Variants in AKAP6 observed in about 807,000 individuals in gnomAD.
AKAP6 encodes A-kinase anchor protein 6.
In AKAP6, 58 loss-of-function variants were observed where a neutral mutation model predicts 188.5. The observed-to-expected ratio is 0.31, with a 90% CI of 0.25 to 0.38. AKAP6 has a LOEUF of 0.38. Among genes scored for constraint, AKAP6 ranks in the 10% least tolerant of loss-of-function variants. The probability of loss-of-function intolerance (pLI) is 1.00; values close to 1 mark genes in which losing one functional copy is unlikely to be tolerated. For synonymous variants in AKAP6, 989 were observed against 998.6 expected (o/e 0.99, Z 0.18); for missense variants, 2,710 against 2,740.0 (o/e 0.99, Z 0.24).
Position 32,380,298 on chromosome 14 carries a change from C to A in AKAP6, c.-35+50890C>A, listed in dbSNP as rs562034964. On this transcript the variant is annotated intron_variant, in intron 1 of 13. Transcript: ENST00000280979. ...TCCCCTTTTCTGAGTTCCCACCGGCCCCCCGTTCTTTCCTTACTTGTAGTA... is the reference window on the plus strand; with the variant it reads ...TCCCCTTTTCTGAGTTCCCACCGGCACCCCGTTCTTTCCTTACTTGTAGTA... Among the ~76,000 whole-genome samples, 25 of 152,262 alleles carry A rather than the reference C, an allele frequency of 1.6e-4. No homozygotes were observed. The South Asian group carries it at 4.1e-3, about 25-fold the overall frequency.
intron 1 of AKAP6, among the ~76,000 whole-genome samples, chr14:32,361,413 G>A (rs1450194841): frequency 1.3e-5 from 2 of 152,142 alleles, no homozygotes; most frequent in Non-Finnish European, 2.9e-5. Context: ...AAGCATGGAA[G>A]CATCAGTCAG....
chr14:32,786,296 A>ATGTTTTTTTTGTTTTTTTTT, intron 12 of AKAP6, among the ~76,000 whole-genome samples: 2 of 93,706 alleles, frequency 2.1e-5, no homozygotes, highest in African/African-American at 4.1e-5. Flanking sequence ...CTAAACCTTT[A>ATGTTTTTTTTGTTTTTTTTT]TCTTTTTTTT....
chr14:32,464,230 G>A (rs147815542), intron 2 of AKAP6, among the ~76,000 whole-genome samples: 3,025 of 152,064 alleles, frequency 0.02, 86 homozygotes, highest in African/African-American at 0.067. Flanking sequence ...GGGAATCCTC[G>A]CTAACTCATT....
In AKAP6 at chr14:32,830,834, C is replaced by G. The variant is rs1054382903; in HGVS notation, c.*1029C>G. 1.3e-5 allele frequency: 2 copies of G among 152,602 alleles called. No individual in the cohort carries two copies. Among genetic ancestry groups the G allele is most frequent in the African/African-American group, 4.8e-5 (2 of 41,456 alleles). The allele number at this position is 152,602 out of a possible 1,614,324, so 9.5% of individuals were successfully genotyped here. A position where few individuals can be genotyped will look rare whatever the true frequency, so the allele number is the denominator to read the frequency against. ...AAAGGAAAATTAGTGATCTCTTCTA[C>G]TATGTTCTTTACCAAATTGTTGCAT... On this transcript the variant is annotated 3_prime_UTR_variant, in exon 14 of 14. Coordinates refer to ENST00000280979, the MANE Select transcript of AKAP6 (RefSeq NM_004274.5).
intron 6 of AKAP6, 59 bp from the exon 7 acceptor site, chr14:32,600,570 A>T: frequency 1.3e-6 from 2 of 1,482,010 alleles, no homozygotes; most frequent in South Asian, 1.4e-5. Context: ...CTAAATAAAA[A>T]TAATGAGTAA....
intron 7 of AKAP6, among the ~76,000 whole-genome samples, chr14:32,647,863 A>G (rs1225145027): frequency 6.6e-6 from 1 of 152,076 alleles, no homozygotes; most frequent in Non-Finnish European, 1.5e-5. Flanking sequence ...TCCTGAAGTT[A>G]ATCAAACAAT....
rs1037689230 is a variant in AKAP6 at position 32,830,118 on chromosome 14, T to C, written c.*313T>C. The C allele has an allele frequency of 1.7e-6, 1 of 592,280 alleles. No individual in the cohort carries two copies. The allele number at this position is 592,280 out of a possible 1,614,324, so 36.7% of individuals were successfully genotyped here. A position where few individuals can be genotyped will look rare whatever the true frequency, so the allele number is the denominator to read the frequency against. The stretch of plus-strand genomic sequence containing the variant: ...CCAACCCTCTCTCTCCAGCTAGACT[T>C]TTCTCTTTGCCTCCTCCCTTCCCTT... On this transcript the variant is annotated 3_prime_UTR_variant, in exon 14 of 14. Coordinates refer to ENST00000280979, the MANE Select transcript of AKAP6 (RefSeq NM_004274.5).
intron 2 of AKAP6, among the ~76,000 whole-genome samples, chr14:32,474,920 G>T (rs1488415820): frequency 2.0e-5 from 3 of 152,138 alleles, no homozygotes; most frequent in Non-Finnish European, 4.4e-5. Flanking sequence ...TTTGGGAGAG[G>T]TGTACATATG....
intron 9 of AKAP6, among the ~76,000 whole-genome samples, chr14:32,703,237 A>G (rs1890687809): frequency 6.6e-6 from 1 of 152,072 alleles, no homozygotes; most frequent in Non-Finnish European, 1.5e-5. Flanking sequence ...AAAGGGAGAG[A>G]GGGAAATCAT....
intron 1 of AKAP6, among the ~76,000 whole-genome samples, chr14:32,382,897 G>A (rs1036552466): frequency 1.2e-4 from 19 of 152,116 alleles, no homozygotes; most frequent in Non-Finnish European, 2.5e-4. Flanking sequence ...CCCGCAAAGA[G>A]TGCTGCTGCC....
intron 4 of AKAP6, among the ~76,000 whole-genome samples, chr14:32,562,193 G>T (rs1883986316): frequency 6.6e-6 from 1 of 151,844 alleles, no homozygotes; most frequent in South Asian, 2.1e-4. Flanking sequence ...AAAGGAAGTT[G>T]TATTTTCTTT....
chr14:32,452,312 G>T (rs960554222), intron 2 of AKAP6, among the ~76,000 whole-genome samples: 1 of 152,114 alleles, frequency 6.6e-6, no homozygotes, highest in Non-Finnish European at 1.5e-5. Context: ...GGGATTACAG[G>T]TGTGGGCCAC....
At position 32,762,396 on chromosome 14, in the gene AKAP6, A is replaced by ATTAAT. The variant is rs755730190; in HGVS notation, c.3373-11280_3373-11276dup. ...TAGAAAAGGAACGATATAACATATT[A>ATTAAT]TTAATTACATGTGAATATGAACTAA... is the stretch of plus-strand genomic sequence containing the variant. On this transcript the variant is annotated intron_variant, in intron 11 of 13. Transcript: ENST00000280979. Among the ~76,000 whole-genome samples the ATTAAT allele has an allele frequency of 3.7e-4, 56 of 152,282 alleles. No homozygotes were observed. In the Middle Eastern group the frequency reaches 0.014, roughly 37 times the overall value.
intron 12 of AKAP6, among the ~76,000 whole-genome samples, chr14:32,789,810 C>G (rs1169121390): frequency 1.3e-5 from 2 of 152,170 alleles, no homozygotes; most frequent in South Asian, 4.1e-4. Flanking sequence ...GCCAGAGTGC[C>G]TCTTCTCCAT....
At chr14:32,646,494 T>C (rs1285433441) in intron 7 of AKAP6, among the ~76,000 whole-genome samples, 3 of 152,134 alleles carry the variant, frequency 2.0e-5, no homozygotes, top group Non-Finnish European at 4.4e-5. Flanking sequence ...TATCAGAAAA[T>C]TCAAATCTTT....
chr14:32,778,212 A>G lies in AKAP6; in HGVS notation c.3588+4319A>G, dbSNP rs913657632. ...AAAGGCAGTCCTTCAACCAAATGGA[A>G]AATTATATCAGATGGAAACCTGGAT... On this transcript the variant is annotated intron_variant, in intron 12 of 13. Transcript: ENST00000280979. Among the ~76,000 whole-genome samples, 3 of 152,336 alleles carry G rather than the reference A, an allele frequency of 2.0e-5. No individual in the cohort carries two copies. The Middle Eastern group carries it at 0.01, about 518-fold the overall frequency.
chr14:32,813,580 G>A (rs76602097), intron 12 of AKAP6, among the ~76,000 whole-genome samples: 9,563 of 152,038 alleles, frequency 0.063, 377 homozygotes, highest in South Asian at 0.21. Context: ...GTATTCTATC[G>A]CTTAGGAAAT....
intron 11 of AKAP6, among the ~76,000 whole-genome samples, chr14:32,767,875 A>G (rs1461728863): frequency 6.6e-6 from 1 of 152,146 alleles, no homozygotes; most frequent in Non-Finnish European, 1.5e-5. Context: ...CTCAAAGCAC[A>G]TTCACCTCCC....
intron 11 of AKAP6, among the ~76,000 whole-genome samples, chr14:32,762,193 G>A (rs1236086630): frequency 6.6e-6 from 1 of 151,912 alleles, no homozygotes; most frequent in Non-Finnish European, 1.5e-5. Flanking sequence ...TAACAATAAT[G>A]GACATGTTTT....
Sources: gnomAD v4.1 joint callset for allele counts (sites outside exome capture counted in the v4.1 genomes callset) on GRCh38, gnomAD v4.1.1 for gene constraint, MANE v1.5 for transcripts, NCBI Gene and HGNC (gene_info 2026-07-23, HGNC 2026-07-21) for gene names.